NEDD4: variants seen among roughly 807,000 people sequenced by gnomAD.
NEDD4 encodes the protein E3 ubiquitin-protein ligase NEDD4.
NEDD4 carries 99 observed loss-of-function variants against 144.9 expected under a neutral mutation model. That is an observed-to-expected ratio of 0.68 (90% CI 0.58 to 0.81). The LOEUF (loss-of-function observed/expected upper bound fraction) is 0.81, where lower values mean the gene tolerates loss of function less well. Ranked by LOEUF, NEDD4 falls within the 30% of genes least tolerant of loss-of-function variation. The pLI, the probability that NEDD4 is intolerant of heterozygous loss-of-function variation, is 0.00. For synonymous variants in NEDD4, 318 were observed against 350.6 expected (o/e 0.91, Z 1.04); for missense variants, 985 against 1,065.9 (o/e 0.92, Z 1.06).
intron 4 of NEDD4, among the ~76,000 whole-genome samples, chr15:55,931,676 A>T (rs1217857900): frequency 1.3e-5 from 2 of 152,272 alleles, no homozygotes; most frequent in Non-Finnish European, 2.9e-5. Flanking sequence ...GTGTTCATAA[A>T]GAAACTGAAG....
intron 1 of NEDD4, among the ~76,000 whole-genome samples, chr15:55,986,165 C>T (rs1170494953): frequency 2.0e-5 from 3 of 152,152 alleles, no homozygotes; most frequent in African/African-American, 7.2e-5. Context: ...GAAAGCTCTT[C>T]TTACATAGAA....
chr15:55,982,713 ACT>A (rs1204120401), intron 1 of NEDD4, among the ~76,000 whole-genome samples: 1 of 152,128 alleles, frequency 6.6e-6, no homozygotes, highest in Non-Finnish European at 1.5e-5. Context: ...TGTGCATTTC[ACT>A]CTTTGTAAAT....
chr15:55,838,782 G>C (rs1048162694), intron 21 of NEDD4, among the ~76,000 whole-genome samples, 178 bp from the exon 22 acceptor site: 1 of 152,136 alleles, frequency 6.6e-6, no homozygotes, highest in Non-Finnish European at 1.5e-5. Flanking sequence ...ATTACAAAAA[G>C]AGATGGATGA....
chr15:55,867,194 A>G (rs2034614636), intron 8 of NEDD4, among the ~76,000 whole-genome samples: 1 of 152,244 alleles, frequency 6.6e-6, no homozygotes, highest in African/African-American at 2.4e-5. Flanking sequence ...AGAATTTTAT[A>G]TATACAGTCA....
At chr15:55,844,424 G>A (rs984234874) in intron 18 of NEDD4, among the ~76,000 whole-genome samples, 14 of 152,080 alleles carry the variant, frequency 9.2e-5, no homozygotes, top group African/African-American at 3.4e-4. Flanking sequence ...CTGAGTGAGA[G>A]AAGACAGAGG....
intron 5 of NEDD4, among the ~76,000 whole-genome samples, chr15:55,875,936 C>CCT (rs1353275294): frequency 2.2e-4 from 33 of 152,052 alleles, no homozygotes; most frequent in Non-Finnish European, 3.7e-4. Context: ...GCAGGATAAA[C>CCT]ATAAAGAAAA....
At chr15:55,917,834 G>GA (rs200765053) in intron 5 of NEDD4, among the ~76,000 whole-genome samples, 15,515 of 147,986 alleles carry the variant, frequency 0.1, 865 homozygotes, top group Admixed American at 0.15. Flanking sequence ...ATGCAGATTA[G>GA]AAAAAAAAAA....
intron 4 of NEDD4, among the ~76,000 whole-genome samples, chr15:55,940,839 A>G (rs2036989845): frequency 6.6e-6 from 1 of 152,122 alleles, no homozygotes; most frequent in South Asian, 2.1e-4. Flanking sequence ...CTTTCTAATA[A>G]AAGAATAAGA....
At chr15:55,873,187 A>C (rs2034866198) in intron 6 of NEDD4, among the ~76,000 whole-genome samples, 1 of 151,958 alleles carries the variant, frequency 6.6e-6, no homozygotes, top group African/African-American at 2.4e-5. Flanking sequence ...ACGTTGACTG[A>C]GGGTCAATGG....
intron 4 of NEDD4, among the ~76,000 whole-genome samples, chr15:55,930,163 C>G (rs2142247783): frequency 6.6e-6 from 1 of 152,178 alleles, no homozygotes; most frequent in East Asian, 1.9e-4. Context: ...TAATGGCTCA[C>G]AAGATAAGAA....
At chr15:55,853,428 A>G (rs1332355069) in intron 12 of NEDD4, among the ~76,000 whole-genome samples, 1 of 152,230 alleles carries the variant, frequency 6.6e-6, no homozygotes, top group Admixed American at 6.5e-5. Flanking sequence ...AGTAAACAGA[A>G]GCTTACAATA....
intron 2 of NEDD4, among the ~76,000 whole-genome samples, chr15:55,958,564 T>C (rs2037375711): frequency 6.6e-6 from 1 of 152,188 alleles, no homozygotes; most frequent in Admixed American, 6.5e-5. Flanking sequence ...TTTTATTTTT[T>C]TTTCCCTAAA....
chr15:55,840,415 C>T (rs760564947), intron 21 of NEDD4, 32 bp downstream of exon 21: 2 of 1,556,206 alleles, frequency 1.3e-6, no homozygotes, highest in Admixed American at 1.9e-5. Context: ...TTAAATTATA[C>T]TTCGTCTATA....
At chr15:55,948,483 C>G (rs1240599154) in intron 4 of NEDD4, among the ~76,000 whole-genome samples, 1 of 152,090 alleles carries the variant, frequency 6.6e-6, no homozygotes, top group Non-Finnish European at 1.5e-5. Context: ...CAAGAAAGAG[C>G]CCACATAGCC....
intron 5 of NEDD4, among the ~76,000 whole-genome samples, chr15:55,920,755 A>G (rs2036553412): frequency 6.6e-6 from 1 of 152,210 alleles, no homozygotes; most frequent in Non-Finnish European, 1.5e-5. Context: ...TGACATTTAT[A>G]ATGACACAGG....
At chr15:55,866,792 C>T (rs2034601540) in intron 8 of NEDD4, among the ~76,000 whole-genome samples, 1 of 152,106 alleles carries the variant, frequency 6.6e-6, no homozygotes, top group Admixed American at 6.5e-5. Context: ...TAGAGTTGTA[C>T]AATCAAACAC....
chr15:55,883,696 AACACAC>A lies in NEDD4; in HGVS notation c.292-9694_292-9689del, dbSNP rs3049242. On this transcript the variant is annotated intron_variant, in intron 5 of 28. Coordinates refer to ENST00000435532, the MANE Select transcript of NEDD4 (RefSeq NM_006154.4). ...GCATCTCAACACACACACACACACA[AACACAC>A]ACACACACACACACACACACACACA... Among the ~76,000 whole-genome samples, 1,025 of 112,224 alleles carry A rather than the reference AACACAC, an allele frequency of 9.1e-3. 14 individuals are homozygous for A. Among genetic ancestry groups the A allele is most frequent in the African/African-American group, 0.026 (825 of 31,168 alleles). 73.6% of individuals were successfully genotyped at this position (112,224 alleles called of 152,430 possible).
chr15:55,960,223 T>C (rs778559976), intron 2 of NEDD4, among the ~76,000 whole-genome samples: 1 of 152,178 alleles, frequency 6.6e-6, no homozygotes, highest in Non-Finnish European at 1.5e-5. Flanking sequence ...ATGCAAAGTA[T>C]TGTTCCTAGG....
At chr15:55,872,717 A>T (rs2034846883) in intron 6 of NEDD4, among the ~76,000 whole-genome samples, 1 of 152,184 alleles carries the variant, frequency 6.6e-6, no homozygotes, top group Admixed American at 6.5e-5. Context: ...AGCCAAAGGG[A>T]GGGCAGAAGA....
Sources: allele counts gnomAD v4.1 joint callset (sites outside exome capture counted in the v4.1 genomes callset), GRCh38; gene constraint gnomAD v4.1.1; transcripts MANE v1.5; gene names NCBI Gene and HGNC (gene_info 2026-07-23, HGNC 2026-07-21).